Variants in SGCZ observed in about 807,000 individuals in gnomAD.
SGCZ encodes the protein zeta-sarcoglycan.
A neutral mutation model predicts 41.3 loss-of-function variants in SGCZ; 40 were observed. The observed-to-expected ratio is 0.97, with a 90% confidence interval of 0.75 to 1.26. The LOEUF (loss-of-function observed/expected upper bound fraction) is 1.26, where lower values mean the gene tolerates loss of function less well. SGCZ is among the 50% of genes most tolerant of loss of function. The pLI is 0.00. For synonymous variants in SGCZ, 206 were observed against 137.5 expected (o/e 1.50, Z -3.49); for missense variants, 552 against 369.8 (o/e 1.49, Z -4.04).
At chr8:15,146,455 C>A (rs907664890) in intron 1 of SGCZ, among the ~76,000 whole-genome samples, 2 of 152,134 alleles carry the variant, frequency 1.3e-5, no homozygotes, top group Non-Finnish European at 2.9e-5. Flanking sequence ...CATACTACAG[C>A]CTCAAAGTCC....
At chr8:14,891,356 A>G (rs1323456124) in intron 1 of SGCZ, among the ~76,000 whole-genome samples, 1 of 152,254 alleles carries the variant, frequency 6.6e-6, no homozygotes, top group Non-Finnish European at 1.5e-5. Context: ...TGATTCCAGC[A>G]GTCATGGACG....
chr8:14,128,738 A>G (rs549375030), intron 5 of SGCZ, among the ~76,000 whole-genome samples: 1 of 152,088 alleles, frequency 6.6e-6, no homozygotes, highest in East Asian at 1.9e-4. Context: ...CACACACACC[A>G]TTGACTACTA....
intron 5 of SGCZ, among the ~76,000 whole-genome samples, chr8:14,140,726 A>T (rs958591721): frequency 2.6e-5 from 4 of 152,146 alleles, no homozygotes; most frequent in Admixed American, 6.5e-5. Flanking sequence ...AATCAATATC[A>T]TGAAAATGGC....
At chr8:14,456,052 T>C (rs778063006) in intron 2 of SGCZ, among the ~76,000 whole-genome samples, 1 of 152,140 alleles carries the variant, frequency 6.6e-6, no homozygotes, top group Non-Finnish European at 1.5e-5. Context: ...AACGTTCTAA[T>C]TAGATCATGG....
intron 1 of SGCZ, among the ~76,000 whole-genome samples, chr8:14,582,805 A>G (rs1466175474): frequency 1.3e-5 from 2 of 151,062 alleles, no homozygotes; most frequent in African/African-American, 2.4e-5. Flanking sequence ...GATGATTTCC[A>G]GTTTCATCCA....
intron 5 of SGCZ, among the ~76,000 whole-genome samples, chr8:14,139,656 G>T (rs893017797): frequency 6.6e-6 from 1 of 152,048 alleles, no homozygotes; most frequent in African/African-American, 2.4e-5. Flanking sequence ...TTGAATCCCT[G>T]AATAGACTAA....
At chr8:14,138,620 C>A (rs1485412237) in intron 5 of SGCZ, among the ~76,000 whole-genome samples, 1 of 151,906 alleles carries the variant, frequency 6.6e-6, no homozygotes, top group African/African-American at 2.4e-5. Context: ...GTAAAGGGAT[C>A]AATTCAACAA....
chr8:15,008,361 T>C (rs1802682292), intron 1 of SGCZ, among the ~76,000 whole-genome samples: 1 of 151,916 alleles, frequency 6.6e-6, no homozygotes, highest in Admixed American at 6.6e-5. Flanking sequence ...ATTTTTATTT[T>C]TTATTGAAGG....
At position 14,769,028 on chromosome 8, in the gene SGCZ, C is replaced by A. The variant is rs116519274; in HGVS notation, c.40-214102G>T. 7.6e-3 allele frequency among the ~76,000 whole-genome samples: 1,147 copies of A among 151,236 alleles called. 15 individuals are homozygous for A. Among genetic ancestry groups the A allele is most frequent in the African/African-American group, 0.026 (1,059 of 41,262 alleles). ...TAAGATGGTTGAACACTCTCTGATACACACACACACACAAACACACACCCG... is the reference window on the plus strand; with the variant it reads ...TAAGATGGTTGAACACTCTCTGATAAACACACACACACAAACACACACCCG... On this transcript the variant is annotated intron_variant, in intron 1 of 7. Transcript: ENST00000382080.
chr8:14,858,286 C>T (rs1019843004), intron 1 of SGCZ, among the ~76,000 whole-genome samples: 1 of 151,912 alleles, frequency 6.6e-6, no homozygotes, highest in Non-Finnish European at 1.5e-5. Flanking sequence ...ATGAACTCAT[C>T]ACATTAACAG....
At chr8:14,739,467 C>T (rs1448836903) in intron 1 of SGCZ, among the ~76,000 whole-genome samples, 1 of 151,884 alleles carries the variant, frequency 6.6e-6, no homozygotes, top group African/African-American at 2.4e-5. Context: ...ATTAGTTATC[C>T]AGATTACCAT....
chr8:15,236,593 G>A (rs763379383), intron 1 of SGCZ, among the ~76,000 whole-genome samples: 1 of 152,096 alleles, frequency 6.6e-6, no homozygotes, highest in Admixed American at 6.5e-5. Context: ...CCGCTTTTTC[G>A]TTTACGGTGA....
intron 1 of SGCZ, among the ~76,000 whole-genome samples, chr8:15,075,889 A>T (rs1170893171): frequency 6.6e-6 from 1 of 152,126 alleles, no homozygotes; most frequent in Non-Finnish European, 1.5e-5. Context: ...TGAATCACTG[A>T]TAAGTACTAG....
intron 1 of SGCZ, among the ~76,000 whole-genome samples, chr8:14,834,039 G>T (rs1802616546): frequency 6.6e-6 from 1 of 152,036 alleles, no homozygotes; most frequent in African/African-American, 2.4e-5. Flanking sequence ...TTGGAAATAG[G>T]GCAAATGAAA....
chr8:14,920,883 G>A (rs1799569789), intron 1 of SGCZ, among the ~76,000 whole-genome samples: 3 of 152,222 alleles, frequency 2.0e-5, no homozygotes, highest in South Asian at 4.1e-4. Flanking sequence ...GCTGGGCACC[G>A]CATGCCTGAA....
rs186584946 is a variant in SGCZ at position 14,415,789 on chromosome 8, T to C, written c.235-91585A>G. Among the ~76,000 whole-genome samples, 446 of 152,018 alleles carry C rather than the reference T, an allele frequency of 2.9e-3. 2 individuals are homozygous for C. Among genetic ancestry groups the C allele is most frequent in the African/African-American group, 0.01 (426 of 41,524 alleles). On this transcript the variant is annotated intron_variant, in intron 2 of 7. Coordinates refer to ENST00000382080, the MANE Select transcript of SGCZ (RefSeq NM_139167.4). The stretch of plus-strand genomic sequence containing the variant: ...CAAATTTGTGACAGCAACGAAAGTG[T>C]GCATGAAATTGGCTCACACTACATA...
intron 1 of SGCZ, among the ~76,000 whole-genome samples, chr8:14,842,806 G>A (rs942781772): frequency 1.1e-4 from 17 of 152,202 alleles, no homozygotes; most frequent in African/African-American, 4.1e-4. Context: ...TGCATTTCAG[G>A]AGAGGCTATT....
rs184765162 is a variant in SGCZ, at chr8:14,569,753, G to A, written c.40-14827C>T. Among the ~76,000 whole-genome samples the A allele has an allele frequency of 1.9e-4, 29 of 152,274 alleles. No individual in the cohort carries two copies. The East Asian group carries it at 5.2e-3, about 27-fold the overall frequency. On this transcript the variant is annotated intron_variant, in intron 1 of 7. Transcript: ENST00000382080. ...TGTCGAGGCCTCTTTGAAAACTGAAGTTTTGAGTAAAGTCCAGGAGGTCGT... is the reference window on the plus strand; with the variant it reads ...TGTCGAGGCCTCTTTGAAAACTGAAATTTTGAGTAAAGTCCAGGAGGTCGT...
intron 1 of SGCZ, among the ~76,000 whole-genome samples, chr8:14,897,123 T>C (rs2130752996): frequency 6.6e-6 from 1 of 152,114 alleles, no homozygotes; most frequent in African/African-American, 2.4e-5. Context: ...GCTTTTCACA[T>C]CTGCAAAAAG....
Sources: allele counts gnomAD v4.1 joint callset (sites outside exome capture counted in the v4.1 genomes callset), GRCh38; gene constraint gnomAD v4.1.1; transcripts MANE v1.5; gene names NCBI Gene and HGNC (gene_info 2026-07-23, HGNC 2026-07-21).